Variants in VPS35L observed in about 807,000 individuals in gnomAD.
VPS35L encodes VPS35 endosomal protein-sorting factor-like.
A neutral mutation model predicts 133.0 loss-of-function variants in VPS35L; 83 were observed. The observed-to-expected ratio is 0.62, with a 90% CI of 0.52 to 0.75. VPS35L has a LOEUF of 0.75. Among genes scored for constraint, VPS35L ranks in the 30% least tolerant of loss-of-function variants. The pLI is 0.00. For missense variants in VPS35L, 1,083 were observed against 1,206.8 expected, an observed-to-expected ratio of 0.90 and a Z score of 1.52; for synonymous variants, 423 against 449.9, an observed-to-expected ratio of 0.94 and a Z score of 0.76.
chr16:19,599,861 A>G (rs949094157), intron 8 of VPS35L, among the ~76,000 whole-genome samples: 1 of 152,138 alleles, frequency 6.6e-6, no homozygotes, highest in African/African-American at 2.4e-5. Context: ...GGCTGGGAAT[A>G]TAGGGAAATC....
At chr16:19,595,544 C>T (rs1051452602) in intron 8 of VPS35L, among the ~76,000 whole-genome samples, 6 of 152,238 alleles carry the variant, frequency 3.9e-5, no homozygotes, top group Middle Eastern at 3.4e-3. Context: ...TTCCCTCGCC[C>T]GCCTCTCCTA....
chr16:19,574,887 C>T (rs968079409), intron 4 of VPS35L, among the ~76,000 whole-genome samples: 10 of 152,102 alleles, frequency 6.6e-5, no homozygotes, highest in South Asian at 2.1e-4. Flanking sequence ...TATGTGACTC[C>T]GCTGTCATAT....
At chr16:19,557,640 C>T (rs1288485610) in intron 1 of VPS35L, among the ~76,000 whole-genome samples, 1 of 152,058 alleles carries the variant, frequency 6.6e-6, no homozygotes, top group Non-Finnish European at 1.5e-5. Flanking sequence ...ACCTCGGGTT[C>T]CCAAAGTGCT....
In VPS35L at chr16:19,628,715, G is replaced by C; in HGVS notation, c.1462G>C (p.Glu488Gln). The C allele has an allele frequency of 6.3e-7, 1 of 1,595,066 alleles. No homozygotes were observed. Among genetic ancestry groups the C allele is most frequent in the African/African-American group, 1.3e-5 (1 of 74,288 alleles). The change falls in exon 17 of 31, where the codon GAA (glutamate) becomes CAA (glutamine). Residue 488 changes from glutamate to glutamine, a missense_variant. By Grantham distance (29) the Glu-to-Gln change is conservative (BLOSUM62 2). Coordinates refer to ENST00000417362, the MANE Select transcript of VPS35L (RefSeq NM_020314.7). Reference sequence around the variant, plus strand: ...GAGTGACCGACTTCAGATTCTCAACGAAGCTTGGAAAGTCATCACTAAGCT... The same window carrying C: ...GAGTGACCGACTTCAGATTCTCAACCAAGCTTGGAAAGTCATCACTAAGCT... ...PESDRLQILN[E>Q]AWKVITKLKN... is the part of the protein sequence containing the mutation.
chr16:19,685,010 C>G (rs1177534233), intron 28 of VPS35L, among the ~76,000 whole-genome samples: 3 of 151,018 alleles, frequency 2.0e-5, no homozygotes, highest in African/African-American at 7.3e-5. Context: ...CAAGATCACA[C>G]CACTGAACTC....
chr16:19,597,715 C>T (rs922382972), intron 8 of VPS35L, among the ~76,000 whole-genome samples: 4 of 152,146 alleles, frequency 2.6e-5, no homozygotes, highest in Admixed American at 6.6e-5. Flanking sequence ...GAATAATATT[C>T]CTCAGGACTG....
rs555241119 is a variant in VPS35L at position 19,573,770 on chromosome 16, G to T, written c.408+529G>T. Among the ~76,000 whole-genome samples the T allele has an allele frequency of 2.6e-5, 4 of 152,080 alleles. No homozygotes were observed. In the East Asian group the frequency reaches 7.7e-4, roughly 29 times the overall value. Reference sequence around the variant, plus strand: ...GGAGGTTACATTGCGCAGAGATCACGCCACTGCACTCCAGCCTTGGTGACA... The same window carrying T: ...GGAGGTTACATTGCGCAGAGATCACTCCACTGCACTCCAGCCTTGGTGACA... On this transcript the variant is annotated intron_variant, in intron 4 of 30. Coordinates refer to ENST00000417362, the MANE Select transcript of VPS35L (RefSeq NM_020314.7).
At chr16:19,600,902 A>G (rs1455482301) in intron 8 of VPS35L, among the ~76,000 whole-genome samples, 1 of 152,202 alleles carries the variant, frequency 6.6e-6, no homozygotes, top group East Asian at 1.9e-4. Flanking sequence ...AAAATATGGC[A>G]TGTGAGTTCT....
At chr16:19,628,099 C>A (rs1973327008) in intron 16 of VPS35L, among the ~76,000 whole-genome samples, 1 of 152,104 alleles carries the variant, frequency 6.6e-6, no homozygotes, top group Admixed American at 6.6e-5. Flanking sequence ...GGCACGGTGG[C>A]TCATGTTTAT....
rs367816026 is a variant in VPS35L at position 19,699,647 on chromosome 16, T to C, written c.2792T>C (p.Met931Thr). The stretch of plus-strand genomic sequence containing the variant: ...CACGGCTGTGCAGACACCAGGACCA[T>C]GGTGAGGCGCTCGGAGGGCCCCGTG... ...QRHGCADTRT[M>T]VKTLEYIKKQ... is the part of the protein sequence containing the mutation. The change falls in exon 30 of 31, where the codon ATG becomes ACG. Residue 931 changes from methionine to threonine, a missense_variant and splice_region_variant. Met to Thr is a moderately conservative substitution (Grantham distance 81, BLOSUM62 -1). Coordinates refer to ENST00000417362, the MANE Select transcript of VPS35L (RefSeq NM_020314.7). This position sits in a 1 kb window ranked among gnomAD's most constrained non-coding sequence, Gnocchi z 4.2. 3 of 1,613,276 alleles carry C rather than the reference T, an allele frequency of 1.9e-6. No homozygotes were observed. The highest frequency in any genetic ancestry group is 2.7e-5 in the African/African-American group (2 of 74,906).
intron 27 of VPS35L, among the ~76,000 whole-genome samples, chr16:19,678,227 C>G (rs1443953463): frequency 6.6e-6 from 1 of 152,060 alleles, no homozygotes; most frequent in East Asian, 1.9e-4. Context: ...GACCAGAAAC[C>G]CAGAGGGATA....
intron 27 of VPS35L, among the ~76,000 whole-genome samples, chr16:19,674,184 C>CTTTTTTTTTTTT (rs201038834): frequency 1.6e-4 from 11 of 70,904 alleles, no homozygotes; most frequent in African/African-American, 3.7e-4. Context: ...TTTTCTTTTT[C>CTTTTTTTTTTTT]TTTTTTTTTT....
At position 19,699,493 on chromosome 16, in the gene VPS35L, C is replaced by T; in HGVS notation, c.2647-9C>T. On this transcript the variant is annotated splice_polypyrimidine_tract_variant and intron_variant, in intron 29 of 30. Transcript: ENST00000417362. The surrounding 1 kb of genome is among the most constrained non-coding windows in gnomAD (Gnocchi z 4.2). The stretch of plus-strand genomic sequence containing the variant: ...AGTGCAAGGCAGTAACCTCCCTTTT[C>T]TGTTTCAGGCCCTGAAGCGCCAGAG... The T allele has an allele frequency of 3.7e-6, 6 of 1,613,940 alleles. No homozygotes were observed. The highest frequency in any genetic ancestry group is 5.1e-6 in the Non-Finnish European group (6 of 1,179,860).
At chr16:19,638,711 A>G (rs1973695785) in intron 20 of VPS35L, among the ~76,000 whole-genome samples, 2 of 152,236 alleles carry the variant, frequency 1.3e-5, no homozygotes, top group South Asian at 4.1e-4. Context: ...GGTAGCATCT[A>G]CAATGTGGAG....
rs188430057 is a variant in VPS35L at position 19,699,456 on chromosome 16, G to A, written c.2647-46G>A. On this transcript the variant is annotated intron_variant, in intron 29 of 30. Coordinates refer to ENST00000417362, the MANE Select transcript of VPS35L (RefSeq NM_020314.7). This position sits in a 1 kb window ranked among gnomAD's most constrained non-coding sequence, Gnocchi z 4.2. ...TGTCCACAGCATCTCTGCGGGGCACGGCCTGAGCCCCAGTGCAAGGCAGTA... is the reference window on the plus strand; with the variant it reads ...TGTCCACAGCATCTCTGCGGGGCACAGCCTGAGCCCCAGTGCAAGGCAGTA... The A allele has an allele frequency of 7.9e-5, 127 of 1,609,812 alleles. No homozygotes were observed. Among genetic ancestry groups the A allele is most frequent in the Non-Finnish European group, 1.0e-4 (118 of 1,177,374 alleles).
At chr16:19,601,509 G>A in intron 8 of VPS35L, 155 bp from the exon 9 acceptor site, 1 of 656,890 alleles carries the variant, frequency 1.5e-6, no homozygotes, top group African/African-American at 1.9e-5. Context: ...CAAAAAAAAT[G>A]TGGCTTAAAA....
At chr16:19,669,420 C>T in intron 27 of VPS35L, 121 bp downstream of exon 27, 1 of 1,245,060 alleles carries the variant, frequency 8.0e-7, no homozygotes. Context: ...GTTGGTTTTC[C>T]AGTTAGGTAT....
At chr16:19,657,469 G>A (rs1329395741) in intron 26 of VPS35L, among the ~76,000 whole-genome samples, 5 of 152,138 alleles carry the variant, frequency 3.3e-5, no homozygotes, top group South Asian at 2.1e-4. Context: ...CATCCTGTAC[G>A]ATATATTATC....
rs1428429777 is a variant in VPS35L, at chr16:19,700,789, T to C, written c.*313T>C. 6.8e-6 allele frequency: 2 copies of C among 294,372 alleles called. No individual in the cohort carries two copies. The highest frequency in any genetic ancestry group is 4.6e-5 in the Admixed American group (1 of 21,682). 18.2% of individuals were successfully genotyped at this position (294,372 alleles called of 1,614,324 possible). On this transcript the variant is annotated 3_prime_UTR_variant, in exon 31 of 31. Transcript: ENST00000417362. ...GAGAAACAAGAATGCAAGTAACATC[T>C]TTCTTCTCTGGAAGGTGTTTGTTTT...
Sources: gnomAD v4.1 joint callset for allele counts (sites outside exome capture counted in the v4.1 genomes callset) on GRCh38, gnomAD v4.1.1 for gene constraint, Gnocchi (gnomAD v3.1) non-coding constraint, MANE v1.5 for transcripts, NCBI Gene and HGNC (gene_info 2026-07-23, HGNC 2026-07-21) for gene names.